The following KMT5B variants were observed in gnomAD, a reference collection of about 807,000 sequenced individuals.
KMT5B encodes lysine methyltransferase 5B.
KMT5B carries 10 observed loss-of-function variants against 83.2 expected under a neutral mutation model. The ratio of observed to expected loss-of-function variants is 0.12; its 90% CI spans 0.07 to 0.20. The LOEUF (loss-of-function observed/expected upper bound fraction) is 0.20. Ranked by LOEUF, KMT5B falls within the 10% of genes least tolerant of loss-of-function variation. The pLI is 1.00. For missense variants in KMT5B, 753 were observed against 1,067.2 expected (o/e 0.71, Z 4.10); for synonymous variants, 349 against 388.8 (o/e 0.90, Z 1.20).
chr11:68,183,340 A>G (rs1857132637), intron 3 of KMT5B, among the ~76,000 whole-genome samples: 2 of 151,956 alleles, frequency 1.3e-5, no homozygotes, highest in African/African-American at 2.4e-5. Flanking sequence ...AGAAAAGAAA[A>G]TGGACTTAAA....
intron 9 of KMT5B, among the ~76,000 whole-genome samples, chr11:68,169,813 C>T (rs924507826): frequency 3.3e-5 from 5 of 152,036 alleles, no homozygotes; most frequent in African/African-American, 1.2e-4. Flanking sequence ...AATTAAACTA[C>T]TTTAAAGGGT....
In KMT5B at chr11:68,196,517, T is replaced by C. The variant is rs555774958; in HGVS notation, c.-76-6365A>G. Among the ~76,000 whole-genome samples the C allele has an allele frequency of 2.0e-5, 3 of 149,886 alleles. No homozygotes were observed. The South Asian group carries it at 6.4e-4, about 32-fold the overall frequency. ...GCACTCAACTGATGAAATAAATAGGTTGTATTCTAAACTGCATCATAGAAA... is the reference window on the plus strand; with the variant it reads ...GCACTCAACTGATGAAATAAATAGGCTGTATTCTAAACTGCATCATAGAAA... On this transcript the variant is annotated intron_variant, in intron 1 of 10. Transcript: ENST00000304363.
chr11:68,160,765 G>A (rs993396808), intron 10 of KMT5B, among the ~76,000 whole-genome samples: 1 of 151,972 alleles, frequency 6.6e-6, no homozygotes, highest in Admixed American at 6.6e-5. Context: ...TGGCCAATAT[G>A]GTGAAACCCT....
chr11:68,162,858 C>A (rs1332370240), intron 10 of KMT5B, among the ~76,000 whole-genome samples: 2 of 151,620 alleles, frequency 1.3e-5, no homozygotes, highest in East Asian at 3.9e-4. Context: ...CTCATCAAAT[C>A]AAAGGAAAAA....
chr11:68,207,678 C>G (rs537753045), intron 1 of KMT5B, among the ~76,000 whole-genome samples: 1 of 151,020 alleles, frequency 6.6e-6, no homozygotes, highest in East Asian at 2.0e-4. Context: ...GTAGTCCCAG[C>G]TACTCGGGAG....
intron 2 of KMT5B, 116 bp from the exon 3 acceptor site, chr11:68,186,044 A>G (rs1241311353): frequency 2.3e-6 from 2 of 887,080 alleles, no homozygotes; most frequent in Admixed American, 5.7e-5. Flanking sequence ...AAAATCAATC[A>G]TTTTAGTAAT....
intron 1 of KMT5B, among the ~76,000 whole-genome samples, chr11:68,209,276 C>T (rs1199151218): frequency 1.3e-5 from 2 of 152,202 alleles, no homozygotes; most frequent in African/African-American, 4.8e-5. Context: ...TATGAAGAAC[C>T]TCCCAGAGCT....
intron 1 of KMT5B, among the ~76,000 whole-genome samples, chr11:68,193,961 A>G (rs1268911124): frequency 1.3e-5 from 2 of 151,840 alleles, no homozygotes; most frequent in Non-Finnish European, 2.9e-5. Flanking sequence ...CACCACACTC[A>G]GTAAGAGCAG....
intron 1 of KMT5B, among the ~76,000 whole-genome samples, chr11:68,201,674 G>C (rs1460943569): frequency 6.6e-6 from 1 of 152,040 alleles, no homozygotes; most frequent in Non-Finnish European, 1.5e-5. Context: ...GAACCCTCTA[G>C]CCAGTTGACA....
intron 1 of KMT5B, chr11:68,212,520 G>A (rs941575018): frequency 6.6e-6 from 1 of 152,294 alleles, no homozygotes; most frequent in African/African-American, 2.4e-5. Flanking sequence ...GTTGCATCGA[G>A]TTGTCATTGT....
intron 1 of KMT5B, among the ~76,000 whole-genome samples, chr11:68,204,331 T>A (rs1859803295): frequency 6.6e-6 from 1 of 152,158 alleles, no homozygotes; most frequent in African/African-American, 2.4e-5. Flanking sequence ...TTATAAAAAA[T>A]TTTGAGATAA....
chr11:68,155,903 T>C lies in KMT5B; in HGVS notation c.*1785A>G, dbSNP rs530523236. 2.0e-5 allele frequency: 3 copies of C among 152,352 alleles called. No individual in the cohort carries two copies. The highest frequency in any genetic ancestry group is 6.5e-5 in the Admixed American group (1 of 15,296). The allele number at this position is 152,352 out of a possible 1,614,324, so 9.4% of individuals were successfully genotyped here. On this transcript the variant is annotated 3_prime_UTR_variant, in exon 11 of 11. Coordinates refer to ENST00000304363, the MANE Select transcript of KMT5B (RefSeq NM_017635.5). ...ACCACAACAAACAAGGATGAGACTA[T>C]GTAAGACTGCAGAAGTAGTTCCTTA...
intron 1 of KMT5B, among the ~76,000 whole-genome samples, chr11:68,195,831 G>A (rs1045667936): frequency 1.3e-5 from 2 of 152,164 alleles, no homozygotes; most frequent in Non-Finnish European, 2.9e-5. Flanking sequence ...AGTTATATAT[G>A]TGTAAATGTG....
At chr11:68,195,448 G>A (rs572939044) in intron 1 of KMT5B, among the ~76,000 whole-genome samples, 1 of 152,274 alleles carries the variant, frequency 6.6e-6, no homozygotes, top group African/African-American at 2.4e-5. Flanking sequence ...TCTATAAAAG[G>A]TACAACACAG....
In KMT5B at chr11:68,157,745, T is replaced by G; in HGVS notation, c.2601A>C (p.Ile867=). Residue 867 remains isoleucine (I), a synonymous_variant, in exon 11 of 11, where the codon ATA becomes ATC. Coordinates refer to ENST00000304363, the MANE Select transcript of KMT5B (RefSeq NM_017635.5). ...TTCTCCTTGAAGAAATGTCAATATC[T>G]ATAGAGTCTTTTCCAACTATTAACC... ...RLRLIVGKDS[I]DIDISSRRRE... The G allele has an allele frequency of 6.2e-7, 1 of 1,612,646 alleles. No homozygotes were observed. Among genetic ancestry groups the G allele is most frequent in the Non-Finnish European group, 8.5e-7 (1 of 1,179,482 alleles).
chr11:68,187,294 A>G (rs554382275), intron 2 of KMT5B, among the ~76,000 whole-genome samples: 7 of 152,188 alleles, frequency 4.6e-5, no homozygotes, highest in Non-Finnish European at 5.9e-5. Flanking sequence ...CACCACGCCC[A>G]GTCTTCTTTT....
chr11:68,166,517 G>A, intron 10 of KMT5B: 2 of 1,003,630 alleles, frequency 2.0e-6, no homozygotes, highest in South Asian at 4.3e-5. Context: ...TTTTGAAAAA[G>A]GTCAGCAAGC....
intron 5 of KMT5B, 159 bp from the exon 6 acceptor site, chr11:68,174,072 G>C (rs1237496865): frequency 1.5e-6 from 1 of 672,020 alleles, no homozygotes; most frequent in South Asian, 1.5e-5. Flanking sequence ...CATTAGCCAA[G>C]CATGATGGCA....
At chr11:68,166,832 T>C (rs1379070477) in intron 10 of KMT5B, 150 bp downstream of exon 10, 2 of 1,449,670 alleles carry the variant, frequency 1.4e-6, no homozygotes, top group Non-Finnish European at 1.8e-6. Flanking sequence ...TCTACTCAAA[T>C]CACGTCTAGA....
Sources: gnomAD v4.1 joint callset for allele counts (sites outside exome capture counted in the v4.1 genomes callset) on GRCh38, gnomAD v4.1.1 for gene constraint, MANE v1.5 for transcripts, NCBI Gene and HGNC (gene_info 2026-07-23, HGNC 2026-07-21) for gene names.